Variants in LARP1B observed in about 807,000 individuals in gnomAD.
LARP1B encodes the protein La ribonucleoprotein 1B.
LARP1B carries 76 observed loss-of-function variants against 114.2 expected under a neutral mutation model. The observed-to-expected ratio is 0.67, with a 90% CI of 0.55 to 0.81. The LOEUF (loss-of-function observed/expected upper bound fraction) is 0.81. Among genes scored for constraint, LARP1B ranks in the 30% least tolerant of loss-of-function variants. LARP1B has a pLI of 0.00. For missense variants in LARP1B, 1,014 were observed against 1,075.8 expected, an observed-to-expected ratio of 0.94 and a Z score of 0.80; for synonymous variants, 345 against 348.0, an observed-to-expected ratio of 0.99 and a Z score of 0.10.
chr4:128,107,007 CTT>C, intron 8 of LARP1B, 130 bp from the exon 9 acceptor site: 1 of 687,272 alleles, frequency 1.5e-6, no homozygotes, highest in East Asian at 2.7e-5. Flanking sequence ...ATGTGGTTAA[CTT>C]ATGGATTTTT....
intron 15 of LARP1B, among the ~76,000 whole-genome samples, chr4:128,187,372 C>T (rs1363446726): frequency 1.3e-5 from 2 of 152,260 alleles, no homozygotes; most frequent in African/African-American, 4.8e-5. Flanking sequence ...CTGGATGTAA[C>T]ATATGGAGTC....
In LARP1B at chr4:128,117,913, C is replaced by CTTTT. The variant is rs35542391; in HGVS notation, c.1161+3187_1161+3190dup. Among the ~76,000 whole-genome samples, 425 of 102,566 alleles carry CTTTT rather than the reference C, an allele frequency of 4.1e-3. 2 individuals are homozygous for CTTTT. The highest frequency in any genetic ancestry group is 0.014 in the African/African-American group (403 of 28,266). 67.3% of individuals were successfully genotyped at this position (102,566 alleles called of 152,430 possible). On this transcript the variant is annotated intron_variant, in intron 10 of 19. Coordinates refer to ENST00000326639, the MANE Select transcript of LARP1B (RefSeq NM_018078.4). ...GTAGGTCTAATTTTAAACAGAAAAT[C>CTTTT]TTTTTTTTTTTTTTTTTTTGGCAGA...
chr4:128,113,351 C>CTTTTTTTTTTTTTTTTTTTT (rs781192228), intron 9 of LARP1B, among the ~76,000 whole-genome samples: 3 of 136,700 alleles, frequency 2.2e-5, no homozygotes, highest in Non-Finnish European at 3.2e-5. Flanking sequence ...TTCTTTTTTT[C>CTTTTTTTTTTTTTTTTTTTT]TTTTTTTTTT....
At chr4:128,130,755 T>C (rs191093116) in intron 11 of LARP1B, among the ~76,000 whole-genome samples, 57 of 152,326 alleles carry the variant, frequency 3.7e-4, no homozygotes, top group African/African-American at 1.3e-3. Context: ...ATCCATAAAT[T>C]GTCAAAACTT....
At chr4:128,103,342 A>G (rs1281911006) in intron 8 of LARP1B, among the ~76,000 whole-genome samples, 2 of 152,170 alleles carry the variant, frequency 1.3e-5, no homozygotes, top group Non-Finnish European at 2.9e-5. Flanking sequence ...TTCAAAACTC[A>G]AAAGGGTATA....
chr4:128,157,479 A>G (rs1489519552), intron 11 of LARP1B, among the ~76,000 whole-genome samples: 1 of 152,196 alleles, frequency 6.6e-6, no homozygotes, highest in African/African-American at 2.4e-5. Flanking sequence ...CTGATGAAAG[A>G]CACCAAAGGA....
At chr4:128,173,290 A>C (rs994466331) in intron 12 of LARP1B, among the ~76,000 whole-genome samples, 2 of 152,194 alleles carry the variant, frequency 1.3e-5, no homozygotes, top group African/African-American at 2.4e-5. Flanking sequence ...CTACAAAAGC[A>C]GAGCTGAGCT....
At chr4:128,133,858 G>A (rs1475177650) in intron 11 of LARP1B, among the ~76,000 whole-genome samples, 3 of 152,012 alleles carry the variant, frequency 2.0e-5, no homozygotes, top group South Asian at 2.1e-4. Context: ...CACCATGCCC[G>A]ACCATTGTTT....
chr4:128,068,727 CTT>C (rs1764043918), intron 1 of LARP1B, among the ~76,000 whole-genome samples: 1 of 151,936 alleles, frequency 6.6e-6, no homozygotes, highest in Admixed American at 6.6e-5. Context: ...TTTTTTCCCT[CTT>C]TTAAATAATT....
At chr4:128,132,276 A>G (rs1249341530) in intron 11 of LARP1B, among the ~76,000 whole-genome samples, 1 of 151,972 alleles carries the variant, frequency 6.6e-6, no homozygotes, top group Non-Finnish European at 1.5e-5. Flanking sequence ...ACAGAGTCTT[A>G]CTCTGTCGCC....
chr4:128,130,180 GTC>G (rs1410980105), intron 11 of LARP1B, among the ~76,000 whole-genome samples: 5 of 152,034 alleles, frequency 3.3e-5, no homozygotes, highest in Admixed American at 6.6e-5. Flanking sequence ...TAGTGAGACT[GTC>G]TCTACGAAAA....
intron 15 of LARP1B, among the ~76,000 whole-genome samples, chr4:128,195,987 C>T (rs1753924433): frequency 2.6e-5 from 4 of 152,004 alleles, no homozygotes; most frequent in Non-Finnish European, 5.9e-5. Flanking sequence ...GGCGTGGTGG[C>T]TCATGCCTGT....
chr4:128,142,497 T>C (rs1364176592), intron 11 of LARP1B, among the ~76,000 whole-genome samples: 1 of 151,888 alleles, frequency 6.6e-6, no homozygotes, highest in African/African-American at 2.4e-5. Flanking sequence ...CCTCTTATGT[T>C]GTATATTTCT....
chr4:128,093,324 C>CGGT (rs1338376480), intron 7 of LARP1B, among the ~76,000 whole-genome samples: 1 of 152,016 alleles, frequency 6.6e-6, no homozygotes, highest in Non-Finnish European at 1.5e-5. Flanking sequence ...TGGCCAGGTG[C>CGGT]GGTGGCTCAC....
intron 11 of LARP1B, among the ~76,000 whole-genome samples, chr4:128,152,364 C>T (rs1733223984): frequency 6.6e-6 from 1 of 151,622 alleles, no homozygotes; most frequent in African/African-American, 2.4e-5. Context: ...CCACCACGCC[C>T]AGCTAATTTT....
chr4:128,113,582 C>T (rs920226213), intron 9 of LARP1B, among the ~76,000 whole-genome samples: 5 of 151,756 alleles, frequency 3.3e-5, no homozygotes, highest in African/African-American at 1.2e-4. Context: ...ACCTTGTGAT[C>T]CACCCGCCTC....
chr4:128,141,121 T>C (rs571777882), intron 11 of LARP1B, among the ~76,000 whole-genome samples: 2 of 152,112 alleles, frequency 1.3e-5, no homozygotes, highest in Non-Finnish European at 2.9e-5. Flanking sequence ...GCCAATTGTC[T>C]CTGCTTTTTT....
rs1229537027 is a variant in LARP1B, at chr4:128,120,782, G to A, written c.1162-1044G>A. Among the ~76,000 whole-genome samples the A allele has an allele frequency of 2.1e-5, 3 of 141,382 alleles. No homozygotes were observed. In the East Asian group the frequency reaches 6.5e-4, roughly 31 times the overall value. 92.8% of individuals were successfully genotyped at this position (141,382 alleles called of 152,430 possible). On this transcript the variant is annotated intron_variant, in intron 10 of 19. Coordinates refer to ENST00000326639, the MANE Select transcript of LARP1B (RefSeq NM_018078.4). The stretch of plus-strand genomic sequence containing the variant: ...ACTGCACCTGGCCTAGCTGTTTTAA[G>A]TTCTATAGAAGGGGTAGACAATTTT...
At chr4:128,115,796 C>T (rs1204536939) in intron 10 of LARP1B, among the ~76,000 whole-genome samples, 1 of 152,124 alleles carries the variant, frequency 6.6e-6, no homozygotes, top group African/African-American at 2.4e-5. Context: ...ACTGGGATTA[C>T]AGGGTCACTC....
Sources: allele counts gnomAD v4.1 joint callset (sites outside exome capture counted in the v4.1 genomes callset), GRCh38; gene constraint gnomAD v4.1.1; transcripts MANE v1.5; gene names NCBI Gene and HGNC (gene_info 2026-07-23, HGNC 2026-07-21).